Variants in RASSF3 observed in about 807,000 individuals in gnomAD.
RASSF3 encodes ras association domain-containing protein 3.
Under a neutral mutation model 19.9 loss-of-function variants are expected in RASSF3, and 19 were observed. The ratio of observed to expected loss-of-function variants is 0.96; its 90% confidence interval spans 0.67 to 1.40. The LOEUF (loss-of-function observed/expected upper bound fraction) is 1.40. RASSF3 is among the 40% of genes most tolerant of loss of function. The probability of loss-of-function intolerance (pLI) is 0.00; values close to 1 mark genes in which losing one functional copy is unlikely to be tolerated. For synonymous variants in RASSF3, 110 were observed against 104.2 expected, an observed-to-expected ratio of 1.06 and a Z score of -0.34; for missense variants, 306 against 289.8, an observed-to-expected ratio of 1.06 and a Z score of -0.41.
chr12:64,508,367 A>G (rs979266819), intron 1 of RASSF3, among the ~76,000 whole-genome samples: 3 of 151,792 alleles, frequency 2.0e-5, no homozygotes, highest in African/African-American at 7.3e-5. Context: ...ATACAAAAAA[A>G]TTAGCCGGGC....
intron 1 of RASSF3, among the ~76,000 whole-genome samples, chr12:64,524,121 G>A (rs1029749662): frequency 1.1e-4 from 16 of 149,988 alleles, no homozygotes; most frequent in African/African-American, 3.7e-4. Flanking sequence ...GCACAATCTC[G>A]GCTCACTGCA....
intron 2 of RASSF3, chr12:64,575,737 A>T (rs1017470864): frequency 7.2e-5 from 11 of 152,064 alleles, no homozygotes; most frequent in African/African-American, 2.4e-4. Flanking sequence ...TCATGATTGA[A>T]GGCCTTGGAA....
intron 2 of RASSF3, among the ~76,000 whole-genome samples, chr12:64,583,118 A>C (rs1248369008): frequency 6.6e-6 from 1 of 152,114 alleles, no homozygotes; most frequent in African/African-American, 2.4e-5. Flanking sequence ...TACTCAAGGC[A>C]ATGGGAGGTA....
intron 1 of RASSF3, among the ~76,000 whole-genome samples, chr12:64,638,655 G>C (rs1417919966): frequency 2.6e-5 from 4 of 150,958 alleles, no homozygotes; most frequent in African/African-American, 9.7e-5. Context: ...CATCATAGTT[G>C]AAGCCCTTGG....
intron 1 of RASSF3, among the ~76,000 whole-genome samples, chr12:64,647,183 A>G (rs1871764782): frequency 1.3e-5 from 2 of 152,064 alleles, no homozygotes. Context: ...CTGGCACCCC[A>G]GTTCTGGTAA....
chr12:64,610,335 C>G (rs1411918389), upstream of RASSF3, among the ~76,000 whole-genome samples: 11 of 150,532 alleles, frequency 7.3e-5, no homozygotes, highest in South Asian at 2.3e-3. Context: ...CCGGGCTCCC[C>G]CCACCTGCGG....
chr12:64,671,229 T>C (rs574583614), intron 1 of RASSF3, among the ~76,000 whole-genome samples: 1 of 152,224 alleles, frequency 6.6e-6, no homozygotes, highest in East Asian at 1.9e-4. Flanking sequence ...AGAAAAACCT[T>C]CTTTTTCCCT....
intron 2 of RASSF3, 39 bp from the exon 3 acceptor site, chr12:64,688,177 A>G: frequency 6.9e-7 from 1 of 1,443,458 alleles, no homozygotes; most frequent in South Asian, 1.1e-5. Flanking sequence ...AAGTGCCACC[A>G]TCCACCCAGC....
At chr12:64,520,072 C>G (rs1010282490) in intron 1 of RASSF3, among the ~76,000 whole-genome samples, 1 of 151,928 alleles carries the variant, frequency 6.6e-6, no homozygotes, top group Non-Finnish European at 1.5e-5. Context: ...AGAGATCATG[C>G]ATTTATATTG....
intron 1 of RASSF3, among the ~76,000 whole-genome samples, chr12:64,618,919 G>C (rs1309993053): frequency 6.6e-6 from 1 of 151,286 alleles, no homozygotes; most frequent in Non-Finnish European, 1.5e-5. Context: ...AAAACTTAAA[G>C]TATAATAATA....
At chr12:64,694,201 T>C (rs1243557659) in intron 4 of RASSF3, among the ~76,000 whole-genome samples, 3 of 152,042 alleles carry the variant, frequency 2.0e-5, no homozygotes, top group Admixed American at 2.0e-4. Context: ...CAGATGAGCA[T>C]TTTACAAAGG....
intron 1 of RASSF3, among the ~76,000 whole-genome samples, chr12:64,536,041 C>G (rs1037569705): frequency 8.8e-5 from 12 of 136,880 alleles, no homozygotes; most frequent in Non-Finnish European, 1.7e-4. Context: ...CTCTGTTGCC[C>G]AGGCTGGAGT....
chr12:64,567,828 C>T (rs1407102374), intron 2 of RASSF3, among the ~76,000 whole-genome samples: 2 of 152,198 alleles, frequency 1.3e-5, no homozygotes, highest in Non-Finnish European at 2.9e-5. Context: ...TGTGGGGTGT[C>T]CACATCTGTC....
chr12:64,634,502 T>G (rs959308043), intron 1 of RASSF3, among the ~76,000 whole-genome samples: 2 of 152,152 alleles, frequency 1.3e-5, no homozygotes, highest in African/African-American at 4.8e-5. Context: ...TGCTGATTTT[T>G]GGGGGGCATT....
chr12:64,683,486 G>A (rs1400385022), intron 1 of RASSF3, among the ~76,000 whole-genome samples: 1 of 152,202 alleles, frequency 6.6e-6, no homozygotes, highest in African/African-American at 2.4e-5. Flanking sequence ...AGAGAAGTGG[G>A]TGAGACTGGA....
At chr12:64,655,792 C>T (rs148248135) in intron 1 of RASSF3, among the ~76,000 whole-genome samples, 97 of 151,920 alleles carry the variant, frequency 6.4e-4, no homozygotes, top group African/African-American at 2.2e-3. Context: ...TTTGGGAGGC[C>T]GAGGCGGGCG....
chr12:64,642,658 T>A (rs1871584725), intron 1 of RASSF3, among the ~76,000 whole-genome samples: 1 of 86,370 alleles, frequency 1.2e-5, no homozygotes, highest in African/African-American at 4.7e-5. Flanking sequence ...TAATACAAAT[T>A]AATACAAAGT....
At chr12:64,595,343 C>G (rs982028825) in intron 2 of RASSF3, among the ~76,000 whole-genome samples, 2 of 152,090 alleles carry the variant, frequency 1.3e-5, no homozygotes, top group South Asian at 2.1e-4. Context: ...GCTGGGATTA[C>G]AGGCATGAGT....
chr12:64,691,661 T>TTATGGGG, intron 4 of RASSF3, 82 bp downstream of exon 4: 1 of 250,328 alleles, frequency 4.0e-6, no homozygotes. Flanking sequence ...ACTTGGCTAT[T>TTATGGGG]GATGGGGGAT....
Sources: allele counts gnomAD v4.1 joint callset (sites outside exome capture counted in the v4.1 genomes callset), GRCh38; gene constraint gnomAD v4.1.1; transcripts MANE v1.5; gene names NCBI Gene and HGNC (gene_info 2026-07-23, HGNC 2026-07-21).